Variants in PADI4 observed in about 807,000 individuals in gnomAD.
PADI4 encodes the protein peptidyl arginine deiminase 4, also known as protein-arginine deiminase type-4.
Under a neutral mutation model 75.0 loss-of-function variants are expected in PADI4, and 62 were observed. That is an observed-to-expected ratio of 0.83 (90% CI 0.67 to 1.02). The LOEUF (loss-of-function observed/expected upper bound fraction) is 1.02. PADI4 is among the 50% of genes least tolerant of loss of function. The pLI is 0.00. For missense variants in PADI4, 845 were observed against 850.5 expected (o/e 0.99, Z 0.08); for synonymous variants, 361 against 348.1 (o/e 1.04, Z -0.41).
At chr1:17,352,153 T>C (rs1427008779) in intron 10 of PADI4, among the ~76,000 whole-genome samples, 120 of 136,942 alleles carry the variant, frequency 8.8e-4, no homozygotes, top group African/African-American at 3.3e-3. Flanking sequence ...GGAGAGGCAA[T>C]CAGGGAGGTG....
chr1:17,318,843 T>G lies in PADI4; in HGVS notation c.92+10529T>G, dbSNP rs182116144. On this transcript the variant is annotated intron_variant, in intron 1 of 15. Transcript: ENST00000375448. ...TGGGACTACAGGCACCCGCCACAAC[T>G]CCCGGCTAATTTTTTTTTGTATTTT... Among the ~76,000 whole-genome samples, 835 of 151,926 alleles carry G rather than the reference T, an allele frequency of 5.5e-3. 10 individuals are homozygous for G. Among genetic ancestry groups the G allele is most frequent in the African/African-American group, 0.019 (799 of 41,432 alleles).
At chr1:17,359,634 A>T (rs1340810222) in intron 15 of PADI4, among the ~76,000 whole-genome samples, 1 of 152,162 alleles carries the variant, frequency 6.6e-6, no homozygotes, top group Non-Finnish European at 1.5e-5. Context: ...AAAATCCACA[A>T]GCCACACGGA....
intron 1 of PADI4, among the ~76,000 whole-genome samples, chr1:17,320,293 T>C (rs1263575159): frequency 1.3e-5 from 2 of 152,166 alleles, no homozygotes; most frequent in Non-Finnish European, 2.9e-5. Flanking sequence ...TACTGGAAAG[T>C]GGTCCCAATC....
chr1:17,332,198 G>T (rs1008676440), intron 2 of PADI4, among the ~76,000 whole-genome samples: 6 of 152,122 alleles, frequency 3.9e-5, no homozygotes, highest in Non-Finnish European at 1.5e-5. Flanking sequence ...ACTTGCCATG[G>T]GATGTGGGGC....
At chr1:17,344,101 T>C (rs1339631543) in intron 8 of PADI4, among the ~76,000 whole-genome samples, 2 of 152,192 alleles carry the variant, frequency 1.3e-5, no homozygotes, top group African/African-American at 2.4e-5. Flanking sequence ...AAATCCAGAC[T>C]GAGATGGTCT....
chr1:17,329,709 C>T (rs180736383), intron 1 of PADI4, among the ~76,000 whole-genome samples: 12 of 152,062 alleles, frequency 7.9e-5, no homozygotes, highest in East Asian at 5.8e-4. Context: ...ACTATTTTCC[C>T]GAAATACTAT....
intron 5 of PADI4, among the ~76,000 whole-genome samples, chr1:17,338,488 C>T (rs1001738839): frequency 1.3e-5 from 2 of 152,190 alleles, no homozygotes; most frequent in African/African-American, 2.4e-5. Flanking sequence ...CTTTTCATTC[C>T]CAAACTCATA....
intron 11 of PADI4, among the ~76,000 whole-genome samples, chr1:17,354,956 C>T (rs888545917): frequency 3.3e-5 from 5 of 152,138 alleles, no homozygotes. Context: ...GGAATGCAGC[C>T]GTGGACAAGA....
Position 17,355,993 on chromosome 1 carries a change from C to A in PADI4, c.1321C>A (p.Arg441=). ...GDSCYPSNDS[R]QMHQALQDFL... is the part of the protein sequence containing the mutation. ...ACCCTGCCATGACAGCAATGACAGC[C>A]GGCAGATGCACCAGGCCCTGCAGGA... Residue 441 remains arginine (R), a synonymous_variant, in exon 12 of 16, where the codon CGG becomes AGG. Transcript: ENST00000375448. 1 of 1,614,180 alleles carries A rather than the reference C, an allele frequency of 6.2e-7. No homozygotes were observed. The highest frequency in any genetic ancestry group is 8.5e-7 in the Non-Finnish European group (1 of 1,180,012).
intron 3 of PADI4, among the ~76,000 whole-genome samples, chr1:17,334,986 A>T (rs2074284712): frequency 2.0e-5 from 3 of 151,018 alleles, no homozygotes; most frequent in African/African-American, 4.9e-5. Flanking sequence ...TACAAAAAAT[A>T]AAAAAAAACA....
At chr1:17,315,787 T>A (rs1433346670) in intron 1 of PADI4, among the ~76,000 whole-genome samples, 1 of 152,004 alleles carries the variant, frequency 6.6e-6, no homozygotes, top group Non-Finnish European at 1.5e-5. Context: ...CTTGTAGCCC[T>A]GGGAAAGAGG....
chr1:17,326,024 GGAA>G, intron 1 of PADI4, among the ~76,000 whole-genome samples: 1 of 152,010 alleles, frequency 6.6e-6, no homozygotes, highest in South Asian at 2.1e-4. Context: ...GACTTTAAAG[GGAA>G]GGTTTTCACA....
chr1:17,347,981 C>T lies in PADI4; in HGVS notation c.1088C>T (p.Thr363Met), dbSNP rs370574008. Reference protein sequence around the residue: ...EIGYIQAPHKTLPVVFDSPRN... With the variant: ...EIGYIQAPHKMLPVVFDSPRN... Reference sequence around the variant, plus strand: ...GGCTACATCCAAGCCCCACACAAAACGCTGCCCGTGGTCTTCGACTCTCCA... The same window carrying T: ...GGCTACATCCAAGCCCCACACAAAATGCTGCCCGTGGTCTTCGACTCTCCA... The change falls in exon 10 of 16, where the codon ACG becomes ATG. Residue 363 changes from threonine (T) to methionine (M), a missense_variant. Coordinates refer to ENST00000375448, the MANE Select transcript of PADI4 (RefSeq NM_012387.3). 7.3e-5 allele frequency: 117 copies of T among 1,605,374 alleles called. No individual in the cohort carries two copies. The highest frequency in any genetic ancestry group is 8.8e-5 in the Non-Finnish European group (103 of 1,174,746).
chr1:17,320,011 G>A (rs2074007495), intron 1 of PADI4, among the ~76,000 whole-genome samples: 1 of 152,206 alleles, frequency 6.6e-6, no homozygotes, highest in Non-Finnish European at 1.5e-5. Flanking sequence ...TACAAACTTA[G>A]TGACTTCAAA....
intron 3 of PADI4, among the ~76,000 whole-genome samples, chr1:17,335,853 T>G (rs113314398): frequency 3.3e-5 from 5 of 152,324 alleles, no homozygotes; most frequent in African/African-American, 1.2e-4. Flanking sequence ...GGTTGGGAAT[T>G]CCTTCCAAAA....
chr1:17,333,698 G>A (rs577826764), intron 2 of PADI4, among the ~76,000 whole-genome samples: 3 of 151,722 alleles, frequency 2.0e-5, no homozygotes, highest in East Asian at 1.9e-4. Flanking sequence ...CTTCACAAAC[G>A]ACCCTGCCAG....
At chr1:17,327,344 T>C (rs1253253944) in intron 1 of PADI4, among the ~76,000 whole-genome samples, 1 of 152,196 alleles carries the variant, frequency 6.6e-6, no homozygotes, top group Non-Finnish European at 1.5e-5. Flanking sequence ...TCTTTTGATA[T>C]TAATATATCC....
chr1:17,337,744 A>G (rs1635588), intron 4 of PADI4, among the ~76,000 whole-genome samples: 102,209 of 151,072 alleles, frequency 0.68, 34,663 homozygotes, highest in Non-Finnish European at 0.7. Flanking sequence ...GTGAAATCCC[A>G]TCTCTACTAA....
At chr1:17,352,184 C>T (rs556282051) in intron 10 of PADI4, among the ~76,000 whole-genome samples, 11 of 145,386 alleles carry the variant, frequency 7.6e-5, no homozygotes, top group South Asian at 2.2e-4. Flanking sequence ...GTAGGAGAGG[C>T]GGTCAGGGAG....
Sources: allele counts gnomAD v4.1 joint callset (sites outside exome capture counted in the v4.1 genomes callset), GRCh38; gene constraint gnomAD v4.1.1; transcripts MANE v1.5; gene names NCBI Gene and HGNC (gene_info 2026-07-23, HGNC 2026-07-21).